DPY19L1: variants seen among roughly 807,000 people sequenced by gnomAD.
DPY19L1 encodes the protein protein C-mannosyl-transferase DPY19L1.
In DPY19L1, 35 loss-of-function variants were observed where a neutral mutation model predicts 96.9. The observed-to-expected ratio is 0.36, with a 90% CI of 0.28 to 0.48. The LOEUF (loss-of-function observed/expected upper bound fraction) is 0.48. Among genes scored for constraint, DPY19L1 ranks in the 20% least tolerant of loss-of-function variants. DPY19L1 has a pLI of 0.99. For missense variants in DPY19L1, 521 were observed against 777.9 expected (o/e 0.67, Z 3.93); for synonymous variants, 205 against 252.6 (o/e 0.81, Z 1.79).
In DPY19L1 at chr7:34,948,104, C is replaced by T. The variant is rs74702805; in HGVS notation, c.1423-403G>A. ...AAACACACACACACACACTTTCTCACGCATAAACAAAATAATGATCTATGT... is the reference window on the plus strand; with the variant it reads ...AAACACACACACACACACTTTCTCATGCATAAACAAAATAATGATCTATGT... On this transcript the variant is annotated intron_variant, in intron 14 of 21. Transcript: ENST00000638088. Among the ~76,000 whole-genome samples, 924 of 152,112 alleles carry T rather than the reference C, an allele frequency of 6.1e-3. 7 individuals carry two copies. The highest frequency in any genetic ancestry group is 0.021 in the African/African-American group (872 of 41,472).
chr7:35,017,221 C>T (rs1480414115), intron 3 of DPY19L1, among the ~76,000 whole-genome samples: 1 of 151,756 alleles, frequency 6.6e-6, no homozygotes, highest in Non-Finnish European at 1.5e-5. Flanking sequence ...TGGCCGGGCA[C>T]GGTGGCTCAC....
In DPY19L1 at chr7:34,940,142, T is replaced by C. The variant is rs1326152834; in HGVS notation, c.1864+11A>G. On this transcript the variant is annotated intron_variant, in intron 19 of 21. Coordinates refer to ENST00000638088, the MANE Select transcript of DPY19L1 (RefSeq NM_001366673.1). Reference sequence around the variant, plus strand: ...ATAATATGACTTTTTTTTTCTTTTTTTTTTTTTTACCTGGTTTAGTACTAT... The same window carrying C: ...ATAATATGACTTTTTTTTTCTTTTTCTTTTTTTTACCTGGTTTAGTACTAT... 55 of 1,464,544 alleles carry C rather than the reference T, an allele frequency of 3.8e-5. No individual in the cohort carries two copies. The highest frequency in any genetic ancestry group is 4.7e-5 in the Non-Finnish European group (52 of 1,114,750). 90.7% of individuals were successfully genotyped at this position (1,464,544 alleles called of 1,614,324 possible). A position where few individuals can be genotyped will look rare whatever the true frequency, so the allele number is the denominator to read the frequency against.
chr7:35,023,333 A>G (rs1289078883), intron 1 of DPY19L1, among the ~76,000 whole-genome samples: 2 of 152,090 alleles, frequency 1.3e-5, no homozygotes, highest in East Asian at 3.9e-4. Flanking sequence ...GGCAAGCTAA[A>G]GTTTGAGACT....
rs754003128 is a variant in DPY19L1 at position 34,969,484 on chromosome 7, A to G, written c.963T>C (p.Asn321=). The G allele has an allele frequency of 6.3e-7, 1 of 1,579,620 alleles. No homozygotes were observed. The highest frequency in any genetic ancestry group is 1.4e-5 in the African/African-American group (1 of 73,234). Residue 321 remains asparagine, a synonymous_variant, in exon 9 of 22, where the codon AAT becomes AAC. Transcript: ENST00000638088. ...ACTGCCAAGGAAGCATGAAAAATAC[A>G]TTGGAAATGCAGAGTGCAATCAAGC... ...RGSLIALCIS[N]VFFMLPWQFA...
At chr7:34,947,609 G>A in intron 15 of DPY19L1, 21 bp downstream of exon 15, 8 of 1,585,992 alleles carry the variant, frequency 5.0e-6, no homozygotes, top group Non-Finnish European at 6.9e-6. Context: ...ATAAGAAAGA[G>A]CTCTTAAGTG....
rs752373226 is a variant in DPY19L1, at chr7:34,931,665, A to C, written c.2155T>G (p.Leu719Val). 1.3e-6 allele frequency: 2 copies of C among 1,598,774 alleles called. No homozygotes were observed. Among genetic ancestry groups the C allele is most frequent in the Non-Finnish European group, 1.7e-6 (2 of 1,173,660 alleles). Residue 719 changes from leucine (L) to valine (V), a missense_variant, in exon 22 of 22, where the codon TTA becomes GTA. Physicochemically the swap from Leu to Val is conservative, Grantham distance 32. Transcript: ENST00000638088. ...EDPANAGKTP[L>V]CNLLVKDSKP... ...GAATCCTTCACCAAGAGGTTACATA[A>C]GGGAGTTTTCCCAGCATTGGCAGGA... is the stretch of plus-strand genomic sequence containing the variant.
intron 14 of DPY19L1, among the ~76,000 whole-genome samples, chr7:34,948,610 C>T (rs567702761): frequency 6.6e-6 from 1 of 152,282 alleles, no homozygotes; most frequent in South Asian, 2.1e-4. Flanking sequence ...CATCACATAG[C>T]TTATGTTTAA....
chr7:34,950,355 A>G (rs1784244339), intron 13 of DPY19L1, among the ~76,000 whole-genome samples: 1 of 152,208 alleles, frequency 6.6e-6, no homozygotes, highest in South Asian at 2.1e-4. Flanking sequence ...ATGGGCAGGT[A>G]CTGGAATAAA....
At position 34,931,567 on chromosome 7, in the gene DPY19L1, T is replaced by C. The variant is rs1250117100; in HGVS notation, c.*6A>G. ...AGTTCTCCGTAGGCAGCAGGTCATG[T>C]AGCAGTCATTCTTTTACAACTTCTA... On this transcript the variant is annotated 3_prime_UTR_variant, in exon 22 of 22. Coordinates refer to ENST00000638088, the MANE Select transcript of DPY19L1 (RefSeq NM_001366673.1). The C allele has an allele frequency of 5.2e-6, 8 of 1,532,770 alleles. No individual in the cohort carries two copies. Among genetic ancestry groups the C allele is most frequent in the South Asian group, 4.0e-5 (3 of 75,930 alleles). 94.9% of individuals were successfully genotyped at this position (1,532,770 alleles called of 1,614,324 possible).
At chr7:34,977,288 C>T (rs1429620765) in intron 7 of DPY19L1, among the ~76,000 whole-genome samples, 4 of 152,146 alleles carry the variant, frequency 2.6e-5, no homozygotes, top group African/African-American at 9.7e-5. Flanking sequence ...AACAAGTATT[C>T]AAACAAGCAA....
chr7:34,989,362 C>G (rs1785115315), intron 7 of DPY19L1, among the ~76,000 whole-genome samples: 1 of 152,066 alleles, frequency 6.6e-6, no homozygotes, highest in Non-Finnish European at 1.5e-5. Flanking sequence ...TACCTGTAAT[C>G]CCAACACTTT....
rs552178462 is a variant in DPY19L1, at chr7:34,929,827, C to T, written c.*1746G>A. ...CTAGCAAAAGCCTAAGAAATAAAAACAGTCAACCAGCAAATGAGAAACAGT... is the reference window on the plus strand; with the variant it reads ...CTAGCAAAAGCCTAAGAAATAAAAATAGTCAACCAGCAAATGAGAAACAGT... On this transcript the variant is annotated 3_prime_UTR_variant, in exon 22 of 22. Transcript: ENST00000638088. The T allele has an allele frequency of 4.6e-5, 7 of 152,306 alleles. No homozygotes were observed. Among genetic ancestry groups the T allele is most frequent in the Non-Finnish European group, 7.4e-5 (5 of 68,022 alleles). The allele number at this position is 152,306 out of a possible 1,614,324, so 9.4% of individuals were successfully genotyped here.
At chr7:35,005,087 C>G (rs1584250438) in intron 6 of DPY19L1, among the ~76,000 whole-genome samples, 2 of 152,230 alleles carry the variant, frequency 1.3e-5, no homozygotes, top group East Asian at 3.9e-4. Context: ...AACATAAGAT[C>G]TAAAAATCAA....
At chr7:35,023,730 C>T (rs759781585) in intron 1 of DPY19L1, among the ~76,000 whole-genome samples, 2 of 152,054 alleles carry the variant, frequency 1.3e-5, no homozygotes, top group Non-Finnish European at 2.9e-5. Flanking sequence ...GCCTGAGCTC[C>T]TTCCACTGTG....
At chr7:34,959,300 G>C (rs1015482247) in intron 10 of DPY19L1, among the ~76,000 whole-genome samples, 1 of 152,194 alleles carries the variant, frequency 6.6e-6, no homozygotes, top group Non-Finnish European at 1.5e-5. Flanking sequence ...GTGGAAGATA[G>C]TGTGACAATT....
intron 13 of DPY19L1, among the ~76,000 whole-genome samples, chr7:34,951,371 A>C (rs1326913794): frequency 3.3e-5 from 5 of 152,116 alleles, no homozygotes; most frequent in Non-Finnish European, 5.9e-5. Flanking sequence ...ATTTTTGAAT[A>C]TTCACATACC....
At chr7:34,963,564 C>T (rs1373886368) in intron 10 of DPY19L1, among the ~76,000 whole-genome samples, 1 of 152,202 alleles carries the variant, frequency 6.6e-6, no homozygotes, top group African/African-American at 2.4e-5. Context: ...AGCTGAAACA[C>T]AGAAGTAACC....
intron 6 of DPY19L1, among the ~76,000 whole-genome samples, chr7:35,003,801 C>T (rs116025211): frequency 0.037 from 5,580 of 152,362 alleles, 152 homozygotes; most frequent in African/African-American, 0.068. Context: ...AAGCCCTTCA[C>T]ACACCAGGCT....
chr7:34,939,280 A>T lies in DPY19L1; in HGVS notation c.1960T>A (p.Leu654Met), dbSNP rs1783943026. The change falls in exon 20 of 22, where the codon TTG becomes ATG. Residue 654 changes from leucine (L) to methionine (M), a missense_variant. Physicochemically the swap from Leu to Met is conservative, Grantham distance 15. Transcript: ENST00000638088. ...VNHPHYEDAG[L>M]RARTKIVYSM... is the part of the protein sequence containing the mutation. ...GATGCAAGACTGTGCACTGACCTCA[A>T]GCCTGCGTCTTCATAATGTGGATGA... 6.2e-7 allele frequency: 1 copy of T among 1,613,088 alleles called. No homozygotes were observed. Among genetic ancestry groups the T allele is most frequent in the South Asian group, 1.1e-5 (1 of 90,960 alleles).
Sources: gnomAD v4.1 joint callset for allele counts (sites outside exome capture counted in the v4.1 genomes callset) on GRCh38, gnomAD v4.1.1 for gene constraint, MANE v1.5 for transcripts, NCBI Gene and HGNC (gene_info 2026-07-23, HGNC 2026-07-21) for gene names.